The following STOX2 variants were observed in gnomAD, a reference collection of about 807,000 sequenced individuals.
STOX2 encodes storkhead box 2.
Under a neutral mutation model 60.9 loss-of-function variants are expected in STOX2, and 28 were observed. The ratio of observed to expected loss-of-function variants is 0.46; its 90% confidence interval spans 0.34 to 0.63. The LOEUF is 0.63. Ranked by LOEUF, STOX2 falls within the 30% of genes least tolerant of loss-of-function variation. The probability of loss-of-function intolerance (pLI) is 0.01; values close to 1 mark genes in which losing one functional copy is unlikely to be tolerated. For missense variants in STOX2, 1,024 were observed against 1,187.7 expected (o/e 0.86, Z 2.03); for synonymous variants, 472 against 463.9 (o/e 1.02, Z -0.22).
At position 184,010,801 on chromosome 4, in the gene STOX2, G is replaced by A; in HGVS notation, c.1963G>A (p.Glu655Lys). Residue 655 changes from glutamate (E) to lysine (K), a missense_variant, in exon 3 of 4, where the codon GAG becomes AAG. By Grantham distance (56) the Glu-to-Lys change is moderately conservative. Coordinates refer to ENST00000308497, the MANE Select transcript of STOX2 (RefSeq NM_020225.3). The surrounding 1 kb of genome is among the most constrained non-coding windows in gnomAD (Gnocchi z 4.5). The part of the protein sequence containing the change: ...HSSREPVGHK[E>K]ESPKGPGGGP... ...CTCCAGGGAGCCTGTGGGGCACAAG[G>A]AGGAGTCACCAAAAGGGCCGGGTGG... 2 of 1,583,772 alleles carry A rather than the reference G, an allele frequency of 1.3e-6. No individual in the cohort carries two copies. Among genetic ancestry groups the A allele is most frequent in the South Asian group, 1.2e-5 (1 of 84,794 alleles).
In STOX2 at chr4:184,020,204, G is replaced by A. The variant is rs1734528320; in HGVS notation, c.*2920G>A. ...AACATTAGGGCATGGCGTGCTGTGT[G>A]TGTCAGTGATTGCCTCTGTGGACTC... On this transcript the variant is annotated 3_prime_UTR_variant, in exon 4 of 4. Transcript: ENST00000308497. The A allele has an allele frequency of 6.6e-6, 1 of 152,178 alleles. No individual in the cohort carries two copies. Among genetic ancestry groups the A allele is most frequent in the Admixed American group, 6.5e-5 (1 of 15,280 alleles). 9.4% of individuals were successfully genotyped at this position (152,178 alleles called of 1,614,324 possible).
At chr4:183,849,249 A>G (rs1740053563) in intron 1 of STOX2, among the ~76,000 whole-genome samples, 1 of 152,136 alleles carries the variant, frequency 6.6e-6, no homozygotes, top group Non-Finnish European at 1.5e-5. Flanking sequence ...GGAGTTGGGG[A>G]ATTAGGAGCT....
At chr4:183,864,394 T>G (rs1436509590) in intron 1 of STOX2, among the ~76,000 whole-genome samples, 1 of 152,130 alleles carries the variant, frequency 6.6e-6, no homozygotes, top group African/African-American at 2.4e-5. Flanking sequence ...ATAAATGGAC[T>G]ATTTATTTAT....
At chr4:183,887,229 A>T (rs1741104222) in intron 1 of STOX2, among the ~76,000 whole-genome samples, 1 of 151,622 alleles carries the variant, frequency 6.6e-6, no homozygotes, top group Non-Finnish European at 1.5e-5. Flanking sequence ...GTGCCATTGC[A>T]CTCCAGCCTG....
At chr4:183,999,092 A>C (rs1301267358) in intron 1 of STOX2, among the ~76,000 whole-genome samples, 1 of 152,026 alleles carries the variant, frequency 6.6e-6, no homozygotes, top group East Asian at 1.9e-4. Context: ...AAACAAAAAA[A>C]CCCAGCTTTT....
chr4:183,972,447 C>A (rs541472202), intron 1 of STOX2, among the ~76,000 whole-genome samples: 1 of 152,300 alleles, frequency 6.6e-6, no homozygotes, highest in East Asian at 1.9e-4. Flanking sequence ...CCTGGACTCG[C>A]TTCTGAGCTG....
At chr4:183,907,614 CAAACA>C (rs547515887) in intron 1 of STOX2, among the ~76,000 whole-genome samples, 91 of 152,252 alleles carry the variant, frequency 6.0e-4, no homozygotes, top group African/African-American at 2.0e-3. Context: ...ACAGGAGGGA[CAAACA>C]AAACGGTAAA....
chr4:183,922,262 G>A (rs559043767), intron 1 of STOX2, among the ~76,000 whole-genome samples: 2 of 151,740 alleles, frequency 1.3e-5, no homozygotes, highest in East Asian at 3.9e-4. Context: ...TAACTGTTTA[G>A]ATTCATGCTT....
At chr4:183,850,332 T>G (rs1025469799) in intron 1 of STOX2, among the ~76,000 whole-genome samples, 1 of 152,290 alleles carries the variant, frequency 6.6e-6, no homozygotes, top group African/African-American at 2.4e-5. Flanking sequence ...AAAAAAAATT[T>G]TGGAGAATGC....
intron 1 of STOX2, among the ~76,000 whole-genome samples, chr4:183,872,018 A>T (rs1173364392): frequency 6.6e-6 from 1 of 152,166 alleles, no homozygotes; most frequent in East Asian, 1.9e-4. Context: ...TATCATCTGG[A>T]TAAACTATAA....
Position 184,017,279 on chromosome 4 carries a change from G to T in STOX2, c.2776G>T (p.Val926Leu), listed in dbSNP as rs1295419316. ...CTGCTTGCAAGCTTCTGTTACTAGC[G>T]TGTGATTGTCCTTCTGCCTCAGATC... ...SNCLQASVTSV is the reference protein window; with the variant it reads ...SNCLQASVTSL The change falls in exon 4 of 4, where the codon GTG (valine) becomes TTG (leucine). Residue 926 changes from valine (V) to leucine (L), a missense_variant. This residue lies in a region of STOX2 where 922 missense variants were observed against 1,058.3 expected (regional missense o/e 0.87). Coordinates refer to ENST00000308497, the MANE Select transcript of STOX2 (RefSeq NM_020225.3). The T allele has an allele frequency of 6.3e-7, 1 of 1,589,788 alleles. No homozygotes were observed. The highest frequency in any genetic ancestry group is 8.6e-7 in the Non-Finnish European group (1 of 1,167,702).
At chr4:183,837,518 G>A (rs1291315101) in intron 1 of STOX2, among the ~76,000 whole-genome samples, 2 of 151,840 alleles carry the variant, frequency 1.3e-5, no homozygotes, top group Non-Finnish European at 2.9e-5. Context: ...AAGTGCAGTG[G>A]CACAATCTTG....
intron 1 of STOX2, among the ~76,000 whole-genome samples, chr4:183,861,497 G>A (rs918655996): frequency 1.3e-5 from 2 of 152,222 alleles, no homozygotes; most frequent in Middle Eastern, 3.2e-3. Context: ...CAAAATACCA[G>A]TTCTGACGTG....
intron 1 of STOX2, among the ~76,000 whole-genome samples, chr4:183,858,597 A>AGAAGGAAGGAAG (rs146831784): frequency 6.6e-6 from 1 of 151,968 alleles, no homozygotes; most frequent in African/African-American, 2.4e-5. Flanking sequence ...AAAAAGAGAA[A>AGAAGGAAGGAAG]GAAGGAAGGA....
intron 1 of STOX2, among the ~76,000 whole-genome samples, chr4:183,931,349 A>C (rs954533499): frequency 3.9e-5 from 6 of 152,128 alleles, no homozygotes; most frequent in Admixed American, 6.5e-5. Flanking sequence ...GCTTGAACCC[A>C]GAATGTGGAG....
At chr4:183,935,900 T>G (rs1742577117) in intron 1 of STOX2, among the ~76,000 whole-genome samples, 1 of 152,188 alleles carries the variant, frequency 6.6e-6, no homozygotes, top group Non-Finnish European at 1.5e-5. Flanking sequence ...GTTCCTAAGT[T>G]TTAAGGTGGA....
intron 1 of STOX2, among the ~76,000 whole-genome samples, chr4:183,835,770 A>G (rs1313772901): frequency 6.6e-6 from 1 of 152,170 alleles, no homozygotes; most frequent in Non-Finnish European, 1.5e-5. Flanking sequence ...GTGAGGGGAA[A>G]GATCTGGGTT....
chr4:183,884,113 C>G (rs1241315994), intron 1 of STOX2, among the ~76,000 whole-genome samples: 3 of 152,196 alleles, frequency 2.0e-5, no homozygotes, highest in African/African-American at 7.2e-5. Context: ...CTCGGCCTCC[C>G]AAAGTGCTGG....
intron 1 of STOX2, among the ~76,000 whole-genome samples, chr4:183,859,904 G>T (rs970755752): frequency 1.5e-5 from 2 of 132,442 alleles, no homozygotes; most frequent in Non-Finnish European, 3.4e-5. Flanking sequence ...CATGTCAGTT[G>T]CGTTTACTGA....
Sources: gnomAD v4.1 joint callset for allele counts (sites outside exome capture counted in the v4.1 genomes callset) on GRCh38, gnomAD v4.1.1 for gene constraint, gnomAD v4.1.1 regional missense constraint, Gnocchi (gnomAD v3.1) non-coding constraint, MANE v1.5 for transcripts, NCBI Gene and HGNC (gene_info 2026-07-23, HGNC 2026-07-21) for gene names.